Variants in TRAF2 observed in about 807,000 individuals in gnomAD.
TRAF2 encodes TNF receptor associated factor 2.
Under a neutral mutation model 55.6 loss-of-function variants are expected in TRAF2, and 6 were observed. The observed-to-expected ratio is 0.11, with a 90% CI of 0.06 to 0.21. The LOEUF (loss-of-function observed/expected upper bound fraction) is 0.21, where lower values mean the gene tolerates loss of function less well. TRAF2 is among the 10% of genes least tolerant of loss of function. The probability of loss-of-function intolerance (pLI) is 1.00; values close to 1 mark genes in which losing one functional copy is unlikely to be tolerated. For missense variants in TRAF2, 561 were observed against 684.5 expected, an observed-to-expected ratio of 0.82 and a Z score of 2.01; for synonymous variants, 329 against 276.3, an observed-to-expected ratio of 1.19 and a Z score of -1.89.
intron 5 of TRAF2, 134 bp downstream of exon 5, chr9:136,908,365 C>T (rs536589520): frequency 7.9e-6 from 8 of 1,010,502 alleles, no homozygotes; most frequent in African/African-American, 1.6e-5. Flanking sequence ...CCTGGAGACA[C>T]GCGGGCGGAT....
chr9:136,899,065 C>T (rs1047675982), intron 2 of TRAF2, 137 bp downstream of exon 2: 9 of 839,932 alleles, frequency 1.1e-5, no homozygotes, highest in South Asian at 5.6e-5. Context: ...CCCTGGATTT[C>T]GGAGGTTTAC....
chr9:136,895,971 G>A (rs750841387), intron 1 of TRAF2, among the ~76,000 whole-genome samples: 2 of 152,040 alleles, frequency 1.3e-5, no homozygotes, highest in Admixed American at 6.6e-5. Context: ...CTTAGGCCAG[G>A]GCCTGTCAGT....
chr9:136,899,555 T>A, intron 2 of TRAF2, 39 bp from the exon 3 acceptor site: 2 of 1,587,404 alleles, frequency 1.3e-6, no homozygotes, highest in South Asian at 2.3e-5. Context: ...TTGCATTAGG[T>A]TTCACAGTGG....
intron 1 of TRAF2, among the ~76,000 whole-genome samples, chr9:136,894,266 C>T (rs1029981189): frequency 1.3e-5 from 2 of 151,842 alleles, no homozygotes; most frequent in Non-Finnish European, 2.9e-5. Context: ...AGGATGGTCT[C>T]GATCTCTTGA....
intron 7 of TRAF2, among the ~76,000 whole-genome samples, chr9:136,918,154 G>A (rs1850284115): frequency 6.6e-6 from 1 of 150,504 alleles, no homozygotes; most frequent in South Asian, 2.1e-4. Flanking sequence ...CTCTCTGGGT[G>A]GTCATGCCTC....
chr9:136,911,921 T>C (rs1183586673), intron 6 of TRAF2, among the ~76,000 whole-genome samples: 3 of 134,102 alleles, frequency 2.2e-5, no homozygotes, highest in Non-Finnish European at 4.6e-5. Context: ...GAGATCTCGG[T>C]TCACTGCAAG....
chr9:136,919,320 C>T (rs1850326079), intron 7 of TRAF2, among the ~76,000 whole-genome samples: 1 of 84,118 alleles, frequency 1.2e-5, no homozygotes, highest in Non-Finnish European at 2.1e-5. Context: ...TTTTTTGAGA[C>T]AGAGTTTCGC....
intron 4 of TRAF2, chr9:136,901,873 T>C (rs1471243752): frequency 6.6e-6 from 1 of 152,024 alleles, no homozygotes; most frequent in Non-Finnish European, 1.5e-5. Context: ...CTCCCTCTTC[T>C]CCTCGCCCAC....
At chr9:136,898,641 C>T (rs763145277) in intron 1 of TRAF2, 72 bp from the exon 2 acceptor site, 204 of 1,574,406 alleles carry the variant, frequency 1.3e-4, no homozygotes, top group Non-Finnish European at 1.7e-4. Flanking sequence ...TGCTACTGAT[C>T]ACCATTGGTT....
intron 6 of TRAF2, 82 bp downstream of exon 6, chr9:136,910,076 C>G: frequency 7.1e-7 from 1 of 1,399,190 alleles, no homozygotes. Flanking sequence ...GGGGGTGGGG[C>G]AGGTTATGAC....
At chr9:136,924,795 A>G (rs1414630187) in intron 10 of TRAF2, among the ~76,000 whole-genome samples, 4 of 151,924 alleles carry the variant, frequency 2.6e-5, no homozygotes, top group Non-Finnish European at 5.9e-5. Context: ...GCTGGAGTGC[A>G]GTGGCATGAT....
chr9:136,910,200 G>A, intron 6 of TRAF2: 1 of 610,538 alleles, frequency 1.6e-6, no homozygotes, highest in East Asian at 2.8e-5. Context: ...TGAGTCCCGA[G>A]CCCTCTTCCT....
intron 7 of TRAF2, 82 bp downstream of exon 7, chr9:136,916,697 T>C: frequency 1.4e-6 from 2 of 1,399,908 alleles, no homozygotes; most frequent in Admixed American, 3.4e-5. Context: ...GCTTCCTGGT[T>C]TCCTTCCAGC....
At chr9:136,917,306 CTCGCTGGCCTG>C (rs1850265911) in intron 7 of TRAF2, among the ~76,000 whole-genome samples, 1 of 152,244 alleles carries the variant, frequency 6.6e-6, no homozygotes, top group African/African-American at 2.4e-5. Flanking sequence ...CTCTGCCCTG[CTCGCTGGCCTG>C]AGCTTCCTTG....
chr9:136,907,935 T>G, intron 4 of TRAF2, 135 bp from the exon 5 acceptor site: 3 of 1,099,108 alleles, frequency 2.7e-6, no homozygotes, highest in Non-Finnish European at 3.9e-6. Flanking sequence ...CTGAGAGCTA[T>G]CTGCAGAGGG....
chr9:136,916,468 G>A, intron 6 of TRAF2, 73 bp from the exon 7 acceptor site: 2 of 1,474,208 alleles, frequency 1.4e-6, no homozygotes, highest in Non-Finnish European at 9.5e-7. Flanking sequence ...GTGTCAGTCA[G>A]TGTGGTCCAT....
chr9:136,900,572 C>A, intron 4 of TRAF2, 52 bp downstream of exon 4: 2 of 1,444,510 alleles, frequency 1.4e-6, no homozygotes, highest in South Asian at 1.2e-5. Context: ...AGTCGGGAGT[C>A]GTCCACGCTC....
At chr9:136,905,598 TTA>T (rs1248738855) in intron 4 of TRAF2, among the ~76,000 whole-genome samples, 2 of 152,318 alleles carry the variant, frequency 1.3e-5, no homozygotes, top group Admixed American at 6.5e-5. Flanking sequence ...ATGATACATT[TTA>T]TGTTTATCAT....
intron 4 of TRAF2, among the ~76,000 whole-genome samples, chr9:136,905,485 T>C (rs1405615900): frequency 6.6e-6 from 1 of 152,166 alleles, no homozygotes; most frequent in Non-Finnish European, 1.5e-5. Flanking sequence ...GTTTCAGGTT[T>C]CTACAATGGG....
Sources: allele counts gnomAD v4.1 joint callset (sites outside exome capture counted in the v4.1 genomes callset), GRCh38; gene constraint gnomAD v4.1.1; transcripts MANE v1.5; gene names NCBI Gene and HGNC (gene_info 2026-07-23, HGNC 2026-07-21).